WDR70: variants seen among roughly 807,000 people sequenced by gnomAD.
WDR70 encodes the protein WD repeat-containing protein 70.
In WDR70, 53 loss-of-function variants were observed where a neutral mutation model predicts 88.6. That is an observed-to-expected ratio of 0.60 (90% CI 0.48 to 0.75). The LOEUF is 0.75. Among genes scored for constraint, WDR70 ranks in the 30% least tolerant of loss-of-function variants. The pLI is 0.00. For synonymous variants in WDR70, 280 were observed against 270.0 expected (o/e 1.04, Z -0.36); for missense variants, 610 against 823.2 (o/e 0.74, Z 3.17).
intron 5 of WDR70, among the ~76,000 whole-genome samples, chr5:37,399,584 T>C (rs545609000): frequency 1.3e-5 from 2 of 152,358 alleles, no homozygotes; most frequent in East Asian, 3.9e-4. Flanking sequence ...GTGAAAACAA[T>C]TGAGGTATTC....
At chr5:37,392,881 G>A (rs989713911) in intron 4 of WDR70, among the ~76,000 whole-genome samples, 2 of 151,622 alleles carry the variant, frequency 1.3e-5, no homozygotes, top group East Asian at 2.0e-4. Context: ...TCCTGACCTC[G>A]TGATCTGCTC....
chr5:37,678,012 T>C (rs1170048340), intron 10 of WDR70, among the ~76,000 whole-genome samples: 1 of 152,214 alleles, frequency 6.6e-6, no homozygotes, highest in Non-Finnish European at 1.5e-5. Context: ...TTTTGATCTT[T>C]GTTGGTTTAA....
At chr5:37,419,449 C>T (rs1360570366) in intron 5 of WDR70, among the ~76,000 whole-genome samples, 1 of 151,632 alleles carries the variant, frequency 6.6e-6, no homozygotes, top group Non-Finnish European at 1.5e-5. Context: ...GGTGATCCAC[C>T]TGCCTCAGCC....
chr5:37,497,513 T>TCTTCC (rs140851585), intron 8 of WDR70, among the ~76,000 whole-genome samples: 2,053 of 143,510 alleles, frequency 0.014, 46 homozygotes, highest in African/African-American at 0.05. Context: ...GTCTCTTCCC[T>TCTTCC]CTTCCCTTCC....
At chr5:37,714,298 G>C (rs1747595043) in intron 13 of WDR70, among the ~76,000 whole-genome samples, 1 of 152,086 alleles carries the variant, frequency 6.6e-6, no homozygotes, top group Non-Finnish European at 1.5e-5. Context: ...AGGATTGATG[G>C]TCATTATCTT....
At chr5:37,716,259 A>G (rs1439020744) in intron 13 of WDR70, among the ~76,000 whole-genome samples, 1 of 152,236 alleles carries the variant, frequency 6.6e-6, no homozygotes, top group East Asian at 1.9e-4. Flanking sequence ...TTCTTTTAGC[A>G]TGTAGAATAA....
intron 10 of WDR70, among the ~76,000 whole-genome samples, chr5:37,615,763 T>C (rs1350102458): frequency 6.6e-6 from 1 of 152,216 alleles, no homozygotes; most frequent in Non-Finnish European, 1.5e-5. Flanking sequence ...GACTTTGCTA[T>C]TTTTATTATT....
At chr5:37,623,274 T>C (rs770086633) in intron 10 of WDR70, among the ~76,000 whole-genome samples, 13 of 152,206 alleles carry the variant, frequency 8.5e-5, no homozygotes, top group Non-Finnish European at 1.5e-4. Flanking sequence ...AAAGGGGTTG[T>C]ATATTATTCC....
intron 7 of WDR70, among the ~76,000 whole-genome samples, chr5:37,477,064 A>G (rs1739508752): frequency 6.6e-6 from 1 of 152,216 alleles, no homozygotes; most frequent in African/African-American, 2.4e-5. Context: ...ACATATTGGT[A>G]TATGCATTTT....
At chr5:37,514,042 T>G (rs752027213) in intron 8 of WDR70, among the ~76,000 whole-genome samples, 8 of 151,976 alleles carry the variant, frequency 5.3e-5, no homozygotes, top group Non-Finnish European at 1.0e-4. Context: ...TGAGATGGTG[T>G]CTGACCCTGT....
intron 17 of WDR70, among the ~76,000 whole-genome samples, chr5:37,736,614 T>G (rs1581537625): frequency 6.8e-3 from 1 of 146 alleles, no homozygotes; most frequent in Non-Finnish European, 0.083. Flanking sequence ...GTGTATGTAG[T>G]TTTTTTTTTT....
intron 5 of WDR70, among the ~76,000 whole-genome samples, chr5:37,407,667 A>G (rs529701563): frequency 2.0e-5 from 3 of 151,962 alleles, no homozygotes; most frequent in African/African-American, 7.2e-5. Context: ...CACGTAGGCT[A>G]TCTGTGCTTT....
intron 17 of WDR70, among the ~76,000 whole-genome samples, chr5:37,729,546 G>T (rs1033357445): frequency 1.3e-5 from 2 of 152,086 alleles, no homozygotes; most frequent in Non-Finnish European, 2.9e-5. Flanking sequence ...TTCAGGTCTG[G>T]CATATACATT....
intron 9 of WDR70, among the ~76,000 whole-genome samples, chr5:37,589,240 CTACACACA>C (rs1743455010): frequency 1.5e-5 from 1 of 65,546 alleles, no homozygotes; most frequent in South Asian, 5.1e-4. Flanking sequence ...ACATATATAC[CTACACACA>C]TACACACACA....
At chr5:37,622,615 A>G in intron 10 of WDR70, among the ~76,000 whole-genome samples, 1 of 152,194 alleles carries the variant, frequency 6.6e-6, no homozygotes, top group Non-Finnish European at 1.5e-5. Flanking sequence ...GCTGGAAATC[A>G]TCATTCTCAG....
intron 7 of WDR70, among the ~76,000 whole-genome samples, chr5:37,459,444 T>C (rs1249928691): frequency 4.8e-5 from 7 of 146,074 alleles, no homozygotes; most frequent in East Asian, 2.0e-4. Context: ...GGGGAAAGGA[T>C]TCCCTATTTA....
chr5:37,693,030 A>C (rs1420114423), intron 10 of WDR70, among the ~76,000 whole-genome samples: 1 of 152,154 alleles, frequency 6.6e-6, no homozygotes, highest in Non-Finnish European at 1.5e-5. Context: ...TCGGGATACA[A>C]AATCCATGTG....
At chr5:37,676,476 C>T (rs1056545523) in intron 10 of WDR70, among the ~76,000 whole-genome samples, 1 of 152,080 alleles carries the variant, frequency 6.6e-6, no homozygotes, top group African/African-American at 2.4e-5. Context: ...GCCTTTTCTG[C>T]ATCTATTGAG....
At chr5:37,556,984 A>G (rs1436959661) in intron 9 of WDR70, among the ~76,000 whole-genome samples, 1 of 152,196 alleles carries the variant, frequency 6.6e-6, no homozygotes, top group African/African-American at 2.4e-5. Flanking sequence ...AGTAATATGG[A>G]GGGGTTTCAC....
Sources: gnomAD v4.1 joint callset for allele counts (sites outside exome capture counted in the v4.1 genomes callset) on GRCh38, gnomAD v4.1.1 for gene constraint, MANE v1.5 for transcripts, NCBI Gene and HGNC (gene_info 2026-07-23, HGNC 2026-07-21) for gene names.